GNAZ: variants seen among roughly 807,000 people sequenced by gnomAD.
GNAZ encodes the protein G protein subunit alpha z.
A neutral mutation model predicts 25.4 loss-of-function variants in GNAZ; 3 were observed. That is an observed-to-expected ratio of 0.12 (90% CI 0.05 to 0.30). The LOEUF (loss-of-function observed/expected upper bound fraction) is 0.30. Ranked by LOEUF, GNAZ falls within the 10% of genes least tolerant of loss-of-function variation. GNAZ has a pLI of 1.00. For missense variants in GNAZ, 241 were observed against 501.8 expected (o/e 0.48, Z 4.97); for synonymous variants, 211 against 205.7 (o/e 1.03, Z -0.22).
Position 23,071,072 on chromosome 22 carries a change from G to A in GNAZ, c.-450+502G>A, listed in dbSNP as rs2146237720. Among the ~76,000 whole-genome samples the A allele has an allele frequency of 6.6e-6, 1 of 152,354 alleles. No individual in the cohort carries two copies. The highest frequency in any genetic ancestry group is 1.5e-5 in the Non-Finnish European group (1 of 68,020). On this transcript the variant is annotated intron_variant, in intron 1 of 2. Coordinates refer to ENST00000615612, the MANE Select transcript of GNAZ (RefSeq NM_002073.4). This position sits in a 1 kb window ranked among gnomAD's most constrained non-coding sequence, Gnocchi z 4.1. ...CTGGGCCCGAGGACCTGGGCCCGCA[G>A]ACGGACAGCTAGCAGTTCTCGGTCA...
At chr22:23,117,440 C>T (rs1159079655) in intron 2 of GNAZ, among the ~76,000 whole-genome samples, 2 of 152,226 alleles carry the variant, frequency 1.3e-5, no homozygotes, top group Non-Finnish European at 2.9e-5. Context: ...GCTGAATCCC[C>T]ATCTGCAGCA....
intron 2 of GNAZ, among the ~76,000 whole-genome samples, chr22:23,110,753 C>T (rs1158495607): frequency 6.6e-6 from 1 of 152,344 alleles, no homozygotes; most frequent in Non-Finnish European, 1.5e-5. Context: ...GCAGAGAGTT[C>T]ATGCCAAGCT....
intron 2 of GNAZ, among the ~76,000 whole-genome samples, chr22:23,098,765 A>G (rs2069199486): frequency 6.6e-6 from 1 of 152,222 alleles, no homozygotes; most frequent in South Asian, 2.1e-4. Flanking sequence ...AGGAAAGACA[A>G]TCCCCTCCCG....
chr22:23,079,606 C>A (rs1043294499), intron 1 of GNAZ, among the ~76,000 whole-genome samples: 3 of 152,216 alleles, frequency 2.0e-5, no homozygotes, highest in Non-Finnish European at 4.4e-5. Flanking sequence ...GTGAGACATA[C>A]TCTGCCTCAT....
At chr22:23,118,019 AC>A (rs1339820123) in intron 2 of GNAZ, among the ~76,000 whole-genome samples, 1 of 152,156 alleles carries the variant, frequency 6.6e-6, no homozygotes, top group Non-Finnish European at 1.5e-5. Flanking sequence ...AATACCCCAG[AC>A]CCGCAGGCCA....
At chr22:23,119,701 G>T (rs2069955930) in intron 2 of GNAZ, among the ~76,000 whole-genome samples, 2 of 152,346 alleles carry the variant, frequency 1.3e-5, no homozygotes, top group Admixed American at 1.3e-4. Flanking sequence ...GGGATGGAGT[G>T]AGGCGGCAAG....
At position 23,123,561 on chromosome 22, in the gene GNAZ, C is replaced by G. The variant is rs5751585; in HGVS notation, c.*130C>G. The G allele has an allele frequency of 1.6e-6, 1 of 623,750 alleles. No individual in the cohort carries two copies. 38.6% of individuals were successfully genotyped at this position (623,750 alleles called of 1,614,324 possible). A position where few individuals can be genotyped will look rare whatever the true frequency, so the allele number is the denominator to read the frequency against. On this transcript the variant is annotated 3_prime_UTR_variant, in exon 3 of 3. Coordinates refer to ENST00000615612, the MANE Select transcript of GNAZ (RefSeq NM_002073.4). Reference sequence around the variant, plus strand: ...AAGAATGTCCCCCACCCCTTGGCCTCTGCCTCCTTGGCCCCACATTTCTGC... The same window carrying G: ...AAGAATGTCCCCCACCCCTTGGCCTGTGCCTCCTTGGCCCCACATTTCTGC...
chr22:23,083,282 C>A (rs2068729589), intron 1 of GNAZ, among the ~76,000 whole-genome samples: 1 of 151,916 alleles, frequency 6.6e-6, no homozygotes, highest in African/African-American at 2.4e-5. Context: ...CAGAGGGGTC[C>A]CAGGGGAATC....
intron 2 of GNAZ, among the ~76,000 whole-genome samples, chr22:23,110,576 T>C (rs1236891503): frequency 6.6e-6 from 1 of 152,238 alleles, no homozygotes; most frequent in Non-Finnish European, 1.5e-5. Context: ...TCCCACCACC[T>C]GAGCAGATGG....
chr22:23,092,059 G>A (rs1315642453), intron 1 of GNAZ, among the ~76,000 whole-genome samples: 1 of 152,174 alleles, frequency 6.6e-6, no homozygotes, highest in African/African-American at 2.4e-5. Context: ...ACTGTGGTGG[G>A]GGGTCCTGGG....
intron 1 of GNAZ, among the ~76,000 whole-genome samples, chr22:23,075,395 T>C (rs1482673896): frequency 6.6e-6 from 1 of 152,188 alleles, no homozygotes; most frequent in Non-Finnish European, 1.5e-5. Context: ...CTGTGGACCC[T>C]TGGGCAAGAG....
intron 2 of GNAZ, among the ~76,000 whole-genome samples, chr22:23,096,807 C>A (rs2069138416): frequency 6.6e-6 from 1 of 152,226 alleles, no homozygotes; most frequent in African/African-American, 2.4e-5. Context: ...GCAAATCTGG[C>A]AGAGATGGGG....
chr22:23,085,751 G>C (rs560084569), intron 1 of GNAZ, among the ~76,000 whole-genome samples: 30 of 152,200 alleles, frequency 2.0e-4, no homozygotes, highest in South Asian at 6.2e-4. Context: ...TACCCCACTT[G>C]TGTCCCCAGG....
At chr22:23,081,922 G>C (rs58478384) in intron 1 of GNAZ, among the ~76,000 whole-genome samples, 11,867 of 150,394 alleles carry the variant, frequency 0.079, 1,576 homozygotes, top group African/African-American at 0.27. Flanking sequence ...TCAGGAGATC[G>C]AGACCATCCT....
chr22:23,090,224 G>A (rs1264077100), intron 1 of GNAZ, among the ~76,000 whole-genome samples: 2 of 151,970 alleles, frequency 1.3e-5, no homozygotes, highest in Admixed American at 1.3e-4. Flanking sequence ...CTCCTAATAT[G>A]TCCCCTCTCC....
chr22:23,123,630 C>A lies in GNAZ; in HGVS notation c.*199C>A. 1 of 590,532 alleles carries A rather than the reference C, an allele frequency of 1.7e-6. No homozygotes were observed. Among genetic ancestry groups the A allele is most frequent in the Non-Finnish European group, 3.0e-6 (1 of 331,226 alleles). 36.6% of individuals were successfully genotyped at this position (590,532 alleles called of 1,614,324 possible). ...ATAGATTGCTAGGTAGATAGACACACACACATGCACACACACACATCTGGA... is the reference window on the plus strand; with the variant it reads ...ATAGATTGCTAGGTAGATAGACACAAACACATGCACACACACACATCTGGA... On this transcript the variant is annotated 3_prime_UTR_variant, in exon 3 of 3. Coordinates refer to ENST00000615612, the MANE Select transcript of GNAZ (RefSeq NM_002073.4).
chr22:23,087,259 A>G (rs1234707442), intron 1 of GNAZ, among the ~76,000 whole-genome samples: 5 of 152,094 alleles, frequency 3.3e-5, no homozygotes, highest in Non-Finnish European at 7.4e-5. Context: ...TGAGCCCAGG[A>G]GTTCGAGACC....
At chr22:23,095,075 A>G (rs11912576) in intron 1 of GNAZ, among the ~76,000 whole-genome samples, 172 bp from the exon 2 acceptor site, 4,058 of 152,308 alleles carry the variant, frequency 0.027, 176 homozygotes, top group African/African-American at 0.092. Context: ...GTGTTACACC[A>G]TGGTGTGGGC....
intron 1 of GNAZ, among the ~76,000 whole-genome samples, chr22:23,091,114 G>T (rs952752571): frequency 6.6e-6 from 1 of 152,228 alleles, no homozygotes; most frequent in Admixed American, 6.5e-5. Context: ...CTGCACACAC[G>T]CACAACCACA....
Sources: allele counts gnomAD v4.1 joint callset (sites outside exome capture counted in the v4.1 genomes callset), GRCh38; gene constraint gnomAD v4.1.1; non-coding constraint Gnocchi (gnomAD v3.1); transcripts MANE v1.5; gene names NCBI Gene and HGNC (gene_info 2026-07-23, HGNC 2026-07-21).